Variants in PIK3AP1 observed in about 807,000 individuals in gnomAD.
PIK3AP1 encodes the protein phosphoinositide-3-kinase adaptor protein 1.
A neutral mutation model predicts 88.1 loss-of-function variants in PIK3AP1; 21 were observed. That is an observed-to-expected ratio of 0.24 (90% CI 0.17 to 0.34). The LOEUF is 0.34. Among genes scored for constraint, PIK3AP1 ranks in the 10% least tolerant of loss-of-function variants. The pLI is 1.00. For missense variants in PIK3AP1, 828 were observed against 1,035.7 expected (o/e 0.80, Z 2.75); for synonymous variants, 398 against 400.0 (o/e 1.00, Z 0.06).
At chr10:96,641,256 A>G (rs1843385698) in intron 8 of PIK3AP1, among the ~76,000 whole-genome samples, 1 of 152,156 alleles carries the variant, frequency 6.6e-6, no homozygotes, top group African/African-American at 2.4e-5. Context: ...AGCTTCCCCT[A>G]TAAGCTTCCA....
chr10:96,700,311 A>G (rs1844280786), intron 2 of PIK3AP1, among the ~76,000 whole-genome samples: 2 of 152,164 alleles, frequency 1.3e-5, no homozygotes, highest in Non-Finnish European at 1.5e-5. Flanking sequence ...ATCCTGGGCG[A>G]CTCTGAAGGC....
chr10:96,634,221 G>A (rs1324382140), intron 8 of PIK3AP1, among the ~76,000 whole-genome samples: 1 of 152,192 alleles, frequency 6.6e-6, no homozygotes, highest in Non-Finnish European at 1.5e-5. Context: ...TCCGAGGCAC[G>A]GCTGGAAGAA....
intron 7 of PIK3AP1, 108 bp from the exon 8 acceptor site, chr10:96,645,770 C>T: frequency 2.2e-6 from 2 of 910,556 alleles, no homozygotes; most frequent in Non-Finnish European, 3.3e-6. Flanking sequence ...TCCCATGAGT[C>T]AGGATTACAA....
chr10:96,647,775 C>T (rs968504857), intron 7 of PIK3AP1, among the ~76,000 whole-genome samples: 1 of 152,172 alleles, frequency 6.6e-6, no homozygotes, highest in East Asian at 1.9e-4. Context: ...GTTTATTGCT[C>T]CCTGTGAGGT....
chr10:96,609,776 G>C lies in PIK3AP1; in HGVS notation c.2106C>G (p.Val702=), dbSNP rs1849073303. 1 of 1,614,028 alleles carries C rather than the reference G, an allele frequency of 6.2e-7. No individual in the cohort carries two copies. The highest frequency in any genetic ancestry group is 1.7e-5 in the Admixed American group (1 of 60,006). The change falls in exon 14 of 17, where the codon GTC becomes GTG. Residue 702 remains valine, a synonymous_variant. Transcript: ENST00000339364. ...GTCTCAGCTCCGTCCTAGGGGGAAT[G>C]ACACTTTTCCTGGGGCCACTCTCAT... The part of the protein sequence containing the change: ...GVYESGPRKS[V]IPPRTELRRG...
chr10:96,704,761 G>A (rs939472987), intron 2 of PIK3AP1, among the ~76,000 whole-genome samples: 1 of 151,800 alleles, frequency 6.6e-6, no homozygotes, highest in Non-Finnish European at 1.5e-5. Context: ...AGAAATGCAG[G>A]ATCTTGGCCC....
At chr10:96,684,765 T>A (rs1320314000) in intron 2 of PIK3AP1, among the ~76,000 whole-genome samples, 1 of 152,140 alleles carries the variant, frequency 6.6e-6, no homozygotes, top group Non-Finnish European at 1.5e-5. Context: ...ACTGAAATTT[T>A]AAAAAAACTT....
intron 2 of PIK3AP1, among the ~76,000 whole-genome samples, chr10:96,681,176 G>A (rs773345360): frequency 2.0e-5 from 3 of 152,070 alleles, no homozygotes; most frequent in Non-Finnish European, 4.4e-5. Flanking sequence ...TTTCTCTTCC[G>A]TGTGTGCACA....
intron 9 of PIK3AP1, 34 bp from the exon 10 acceptor site, chr10:96,626,939 G>A: frequency 6.4e-7 from 1 of 1,572,760 alleles, no homozygotes; most frequent in Non-Finnish European, 8.8e-7. Context: ...TGAAAGCAGT[G>A]GCCAAACAAA....
intron 2 of PIK3AP1, among the ~76,000 whole-genome samples, chr10:96,682,087 T>C (rs1473293038): frequency 3.3e-5 from 5 of 151,630 alleles, no homozygotes; most frequent in Non-Finnish European, 2.9e-5. Context: ...TACTAGAGAA[T>C]GAAATAGCTA....
At chr10:96,653,270 T>G (rs2134236116) in intron 3 of PIK3AP1, among the ~76,000 whole-genome samples, 1 of 150,896 alleles carries the variant, frequency 6.6e-6, no homozygotes, top group South Asian at 2.1e-4. Context: ...CCAGGAGTGG[T>G]GGTGGGTGCC....
chr10:96,704,529 C>G (rs939208589), intron 2 of PIK3AP1, among the ~76,000 whole-genome samples: 5 of 152,102 alleles, frequency 3.3e-5, no homozygotes, highest in African/African-American at 1.2e-4. Context: ...ACCAGCCTGG[C>G]CAACATGGTG....
At chr10:96,642,942 G>A (rs990914066) in intron 8 of PIK3AP1, among the ~76,000 whole-genome samples, 27 of 152,198 alleles carry the variant, frequency 1.8e-4, no homozygotes, top group African/African-American at 6.5e-4. Context: ...AAGACACAGG[G>A]CAGAAAGGAT....
chr10:96,683,847 A>G (rs1844033631), intron 2 of PIK3AP1, among the ~76,000 whole-genome samples: 2 of 152,240 alleles, frequency 1.3e-5, no homozygotes, highest in Admixed American at 1.3e-4. Context: ...AATGTCAGGG[A>G]AATTGTAATC....
intron 14 of PIK3AP1, among the ~76,000 whole-genome samples, chr10:96,605,651 A>C (rs1273048104): frequency 2.0e-5 from 3 of 152,236 alleles, no homozygotes; most frequent in East Asian, 1.9e-4. Flanking sequence ...TCTGGTATCA[A>C]CTTTGACCGA....
Position 96,595,597 on chromosome 10 carries a change from C to T in PIK3AP1, c.2398G>A (p.Val800Ile). 6.2e-7 allele frequency: 1 copy of T among 1,613,356 alleles called. No individual in the cohort carries two copies. The highest frequency in any genetic ancestry group is 1.1e-5 in the South Asian group (1 of 90,832). ...TGGAATCAGCGTCCTCTGGGTGGAACAGGTGGAGGAGGATGGAAGGTCTCC... is the reference window on the plus strand; with the variant it reads ...TGGAATCAGCGTCCTCTGGGTGGAATAGGTGGAGGAGGATGGAAGGTCTCC... ...TRETFHPPPP[V>I]PPRGR Residue 800 changes from valine (V) to isoleucine (I), a missense_variant, in exon 17 of 17, where the codon GTT becomes ATT. Transcript: ENST00000339364.
At chr10:96,711,047 T>G (rs1844431528) in intron 1 of PIK3AP1, among the ~76,000 whole-genome samples, 1 of 152,206 alleles carries the variant, frequency 6.6e-6, no homozygotes, top group Non-Finnish European at 1.5e-5. Context: ...AACATAGGCT[T>G]TCTTCCTCTA....
In PIK3AP1 at chr10:96,720,411, C is replaced by T; in HGVS notation, c.-17G>A. On this transcript the variant is annotated 5_prime_UTR_variant, in exon 1 of 17. The change abolishes the stop of an existing upstream ORF in the 5' untranslated region. Transcript: ENST00000339364. The surrounding 1 kb of genome is among the most constrained non-coding windows in gnomAD (Gnocchi z 4.6). Reference sequence around the variant, plus strand: ...GGCTGCCATGCCGCGGGGCGCCGCTCACATCCCTGGCTCGCTGCGTGCCCG... The same window carrying T: ...GGCTGCCATGCCGCGGGGCGCCGCTTACATCCCTGGCTCGCTGCGTGCCCG... 8.1e-7 allele frequency: 1 copy of T among 1,236,696 alleles called. No individual in the cohort carries two copies. 76.6% of individuals were successfully genotyped at this position (1,236,696 alleles called of 1,614,324 possible).
chr10:96,631,400 A>C (rs116272742), intron 8 of PIK3AP1, among the ~76,000 whole-genome samples: 67 of 152,280 alleles, frequency 4.4e-4, no homozygotes, highest in African/African-American at 1.5e-3. Flanking sequence ...TGCATGTCGG[A>C]GAGGTAGGTG....
Sources: allele counts gnomAD v4.1 joint callset (sites outside exome capture counted in the v4.1 genomes callset), GRCh38; gene constraint gnomAD v4.1.1; non-coding constraint Gnocchi (gnomAD v3.1); transcripts MANE v1.5; gene names NCBI Gene and HGNC (gene_info 2026-07-23, HGNC 2026-07-21).